HIPK3: variants seen among roughly 807,000 people sequenced by gnomAD.
HIPK3 encodes the protein homeodomain interacting protein kinase 3.
In HIPK3, 47 loss-of-function variants were observed where a neutral mutation model predicts 124.2. That is an observed-to-expected ratio of 0.38 (90% CI 0.30 to 0.48). The LOEUF is 0.48. Among genes scored for constraint, HIPK3 ranks in the 20% least tolerant of loss-of-function variants. The probability of loss-of-function intolerance (pLI) is 0.98; values close to 1 mark genes in which losing one functional copy is unlikely to be tolerated. For synonymous variants in HIPK3, 482 were observed against 515.2 expected (o/e 0.94, Z 0.87); for missense variants, 1,286 against 1,454.3 (o/e 0.88, Z 1.88).
chr11:33,310,822 A>G (rs1852314679), intron 2 of HIPK3, among the ~76,000 whole-genome samples: 1 of 152,232 alleles, frequency 6.6e-6, no homozygotes, highest in Non-Finnish European at 1.5e-5. Flanking sequence ...ATGCAGTTTT[A>G]TGCTGGAAGG....
In HIPK3 at chr11:33,286,457, A is replaced by T; in HGVS notation, c.43A>T (p.Thr15Ser). 1 of 1,609,734 alleles carries T rather than the reference A, an allele frequency of 6.2e-7. No homozygotes were observed. The highest frequency in any genetic ancestry group is 1.1e-5 in the South Asian group (1 of 90,844). The change falls in exon 2 of 17, where the codon ACT becomes TCT. Residue 15 changes from threonine (T) to serine (S), a missense_variant. This residue lies in a region of HIPK3 where 225 missense variants were observed against 240.3 expected (regional missense o/e 0.94). Transcript: ENST00000303296. Reference sequence around the variant, plus strand: ...GGTCTACCCACCATATGTTTATCAAACTCAGTCAAGTGCCTTTTGTAGTGT... The same window carrying T: ...GGTCTACCCACCATATGTTTATCAATCTCAGTCAAGTGCCTTTTGTAGTGT... Reference protein sequence around the residue: ...VLVYPPYVYQTQSSAFCSVKK... With the variant: ...VLVYPPYVYQSQSSAFCSVKK...
At chr11:33,329,167 A>C (rs1033737058) in intron 3 of HIPK3, among the ~76,000 whole-genome samples, 1 of 152,172 alleles carries the variant, frequency 6.6e-6, no homozygotes, top group East Asian at 1.9e-4. Context: ...CACACTTTTC[A>C]TGGTAGTTTT....
intron 3 of HIPK3, among the ~76,000 whole-genome samples, chr11:33,333,251 A>T (rs1024867289): frequency 6.6e-6 from 1 of 152,184 alleles, no homozygotes; most frequent in Non-Finnish European, 1.5e-5. Flanking sequence ...AAGTAAGGCG[A>T]CACGAGAGGA....
At chr11:33,342,813 T>C (rs1853376527) in intron 8 of HIPK3, among the ~76,000 whole-genome samples, 1 of 152,166 alleles carries the variant, frequency 6.6e-6, no homozygotes, top group Non-Finnish European at 1.5e-5. Context: ...CCCAAAATGT[T>C]GGGATTACAG....
At chr11:33,292,226 T>C (rs914067564) in intron 2 of HIPK3, among the ~76,000 whole-genome samples, 8 of 152,236 alleles carry the variant, frequency 5.3e-5, no homozygotes, top group East Asian at 1.9e-4. Flanking sequence ...CTGGGACTTA[T>C]GTAAGTCAGA....
intron 3 of HIPK3, among the ~76,000 whole-genome samples, chr11:33,332,766 T>A (rs1289979263): frequency 6.6e-6 from 1 of 152,168 alleles, no homozygotes; most frequent in Non-Finnish European, 1.5e-5. Flanking sequence ...TATTTATATG[T>A]GTGGATGTAT....
chr11:33,283,711 G>A (rs986999579), intron 1 of HIPK3, among the ~76,000 whole-genome samples: 2 of 150,156 alleles, frequency 1.3e-5, no homozygotes, highest in Non-Finnish European at 3.0e-5. Flanking sequence ...GCCTCGCTCT[G>A]TTGCCCAGGC....
At chr11:33,305,402 G>C (rs1257309501) in intron 2 of HIPK3, among the ~76,000 whole-genome samples, 1 of 152,016 alleles carries the variant, frequency 6.6e-6, no homozygotes. Flanking sequence ...TCTTATATGA[G>C]GAATAAGAAT....
At chr11:33,322,598 G>A (rs1190115892) in intron 2 of HIPK3, among the ~76,000 whole-genome samples, 3 of 152,154 alleles carry the variant, frequency 2.0e-5, no homozygotes, top group Non-Finnish European at 4.4e-5. Flanking sequence ...GGCCGAGGCA[G>A]GCAAATCACT....
intron 15 of HIPK3, 67 bp from the exon 16 acceptor site, chr11:33,352,071 A>C (rs1853678614): frequency 1.4e-6 from 2 of 1,462,400 alleles, no homozygotes; most frequent in Non-Finnish European, 1.9e-6. Context: ...AAATATCTAA[A>C]GACTTTGCTA....
chr11:33,328,999 T>A (rs1590176410), intron 3 of HIPK3, among the ~76,000 whole-genome samples: 3 of 152,206 alleles, frequency 2.0e-5, no homozygotes, highest in African/African-American at 7.2e-5. Context: ...AAAGGCGTTA[T>A]AACTTTTGGT....
intron 2 of HIPK3, among the ~76,000 whole-genome samples, chr11:33,322,284 C>G (rs762174224): frequency 2.6e-5 from 4 of 152,126 alleles, no homozygotes; most frequent in Non-Finnish European, 5.9e-5. Context: ...CAGGCATGAG[C>G]CACCACACCT....
chr11:33,311,994 A>ACACACACACC (rs1852363270), intron 2 of HIPK3, among the ~76,000 whole-genome samples: 1 of 151,308 alleles, frequency 6.6e-6, no homozygotes, highest in African/African-American at 2.4e-5. Context: ...ACACACACAC[A>ACACACACACC]CACCACGAAA....
At chr11:33,290,516 C>G (rs1250227326) in intron 2 of HIPK3, among the ~76,000 whole-genome samples, 1 of 151,796 alleles carries the variant, frequency 6.6e-6, no homozygotes, top group Non-Finnish European at 1.5e-5. Context: ...TGCTTGGGCC[C>G]TATATTTAGT....
intron 1 of HIPK3, among the ~76,000 whole-genome samples, chr11:33,274,969 C>A (rs915942675): frequency 1.3e-5 from 2 of 152,136 alleles, no homozygotes; most frequent in South Asian, 2.1e-4. Context: ...GTTCTGTAGG[C>A]ACCTCAGACA....
At chr11:33,261,482 C>T (rs1454402699) in intron 1 of HIPK3, among the ~76,000 whole-genome samples, 2 of 151,928 alleles carry the variant, frequency 1.3e-5, no homozygotes, top group African/African-American at 4.8e-5. Context: ...TTTTCTGTTC[C>T]TGCATTATTT....
At chr11:33,273,764 CA>C (rs981366316) in intron 1 of HIPK3, among the ~76,000 whole-genome samples, 1 of 152,094 alleles carries the variant, frequency 6.6e-6, no homozygotes, top group Non-Finnish European at 1.5e-5. Flanking sequence ...CCAGGCCCCA[CA>C]ATGTCTTTCA....
At chr11:33,349,602 C>T (rs1040045984) in intron 14 of HIPK3, among the ~76,000 whole-genome samples, 8 of 152,088 alleles carry the variant, frequency 5.3e-5, no homozygotes, top group South Asian at 2.1e-4. Flanking sequence ...GTGCGCACAG[C>T]GATGCTCGGC....
intron 1 of HIPK3, among the ~76,000 whole-genome samples, chr11:33,270,504 G>A (rs1056426326): frequency 6.6e-6 from 1 of 151,870 alleles, no homozygotes; most frequent in Non-Finnish European, 1.5e-5. Flanking sequence ...AAAACTTACA[G>A]TAAAAATAAG....
Sources: gnomAD v4.1 joint callset for allele counts (sites outside exome capture counted in the v4.1 genomes callset) on GRCh38, gnomAD v4.1.1 for gene constraint, gnomAD v4.1.1 regional missense constraint, MANE v1.5 for transcripts, NCBI Gene and HGNC (gene_info 2026-07-23, HGNC 2026-07-21) for gene names.